Variants in ASH1L observed in about 807,000 individuals in gnomAD.
The protein encoded by ASH1L is histone-lysine N-methyltransferase ASH1L.
In ASH1L, 23 loss-of-function variants were observed where a neutral mutation model predicts 269.0. That is an observed-to-expected ratio of 0.09 (90% CI 0.06 to 0.12). ASH1L has a LOEUF of 0.12. Ranked by LOEUF, ASH1L falls within the 10% of genes least tolerant of loss-of-function variation. The probability of loss-of-function intolerance (pLI) is 1.00; values close to 1 mark genes in which losing one functional copy is unlikely to be tolerated. For synonymous variants in ASH1L, 1,187 were observed against 1,253.5 expected, an observed-to-expected ratio of 0.95 and a Z score of 1.12; for missense variants, 2,912 against 3,567.8, an observed-to-expected ratio of 0.82 and a Z score of 4.68.
chr1:155,461,300 T>C (rs1020670058), intron 3 of ASH1L, among the ~76,000 whole-genome samples: 4 of 152,230 alleles, frequency 2.6e-5, no homozygotes, highest in African/African-American at 9.6e-5. Flanking sequence ...ATCACATTGC[T>C]GTAAATAGTC....
intron 13 of ASH1L, 37 bp downstream of exon 13, chr1:155,360,264 T>C (rs1158489126): frequency 9.6e-6 from 13 of 1,348,008 alleles, no homozygotes; most frequent in Non-Finnish European, 1.4e-5. Flanking sequence ...TTGTAAGGGA[T>C]AAAGTTCAAT....
At chr1:155,473,139 G>A (rs1434418996) in intron 3 of ASH1L, among the ~76,000 whole-genome samples, 1 of 152,130 alleles carries the variant, frequency 6.6e-6, no homozygotes, top group African/African-American at 2.4e-5. Flanking sequence ...TATTTTGCAG[G>A]ACAAAACTAG....
intron 3 of ASH1L, among the ~76,000 whole-genome samples, chr1:155,476,190 T>G (rs1665527675): frequency 6.6e-6 from 1 of 151,964 alleles, no homozygotes; most frequent in South Asian, 2.1e-4. Flanking sequence ...TTCGAGACCA[T>G]CCTGGCTAAC....
At chr1:155,453,143 T>C (rs2148659494) in intron 4 of ASH1L, among the ~76,000 whole-genome samples, 1 of 152,112 alleles carries the variant, frequency 6.6e-6, no homozygotes. Context: ...TCATCTGTGG[T>C]TAGGAGTTCA....
intron 7 of ASH1L, among the ~76,000 whole-genome samples, chr1:155,384,266 A>G (rs1402816788): frequency 6.6e-6 from 1 of 152,154 alleles, no homozygotes; most frequent in Non-Finnish European, 1.5e-5. Flanking sequence ...GTTTTCCTTA[A>G]TCTAAGAATG....
At position 155,478,154 on chromosome 1, in the gene ASH1L, C is replaced by A; in HGVS notation, c.4716G>T (p.Gln1572His). The change falls in exon 3 of 28, where the codon CAG becomes CAT. Residue 1572 changes from glutamine (Q) to histidine (H), a missense_variant. By Grantham distance (24) the Gln-to-His change is conservative. Around this residue, in one of 13 missense-constraint regions of ASH1L, gnomAD observed 789 missense variants for 897.6 expected, o/e 0.88. Transcript: ENST00000392403. This position sits in a 1 kb window ranked among gnomAD's most constrained non-coding sequence, Gnocchi z 4.6. ...SESSPLALGLQTPLQIDCSES... is the reference protein window; with the variant it reads ...SESSPLALGLHTPLQIDCSES... ...CTGAACAGTCAATCTGTAAAGGTGT[C>A]TGCAATCCCAAGGCCAATGGACTAG... 6.2e-7 allele frequency: 1 copy of A among 1,614,032 alleles called. No individual in the cohort carries two copies. Among genetic ancestry groups the A allele is most frequent in the Non-Finnish European group, 8.5e-7 (1 of 1,180,024 alleles).
rs543981682 is a variant in ASH1L, at chr1:155,493,227, A to G, written c.421-10778T>C. 4.9e-4 allele frequency among the ~76,000 whole-genome samples: 75 copies of G among 152,300 alleles called. 1 individual carries two copies. The highest frequency in any genetic ancestry group is 1.5e-3 in the African/African-American group (64 of 41,556). ...AACCTTTTCATCGGACTGTTTTTCC[A>G]TACGTATACTTCCTCACAAACTTGA... is the stretch of plus-strand genomic sequence containing the variant. On this transcript the variant is annotated intron_variant, in intron 2 of 27. Coordinates refer to ENST00000392403, the MANE Select transcript of ASH1L (RefSeq NM_018489.3).
At chr1:155,554,085 T>C (rs1053850334) in intron 1 of ASH1L, among the ~76,000 whole-genome samples, 29 of 146,290 alleles carry the variant, frequency 2.0e-4, no homozygotes, top group Non-Finnish European at 3.0e-4. Flanking sequence ...CGGCCCGAGT[T>C]TTTTTTTTTT....
chr1:155,409,994 G>A (rs866289960), intron 6 of ASH1L, among the ~76,000 whole-genome samples: 27 of 151,430 alleles, frequency 1.8e-4, no homozygotes, highest in African/African-American at 5.8e-4. Context: ...GTGAAACCCC[G>A]TCTCTGCTAA....
At chr1:155,494,958 G>C (rs565959858) in intron 2 of ASH1L, among the ~76,000 whole-genome samples, 3 of 152,048 alleles carry the variant, frequency 2.0e-5, no homozygotes, top group East Asian at 3.9e-4. Context: ...GAGAGAGAAT[G>C]AATGTGTGGT....
At position 155,339,317 on chromosome 1, in the gene ASH1L, A is replaced by G; in HGVS notation, c.8501+11T>C. On this transcript the variant is annotated intron_variant, in intron 26 of 27. Transcript: ENST00000392403. ...TCCCTTAGGATCCTCATATCCCCCC[A>G]TGGGACTTACCGTCCTCCATTCCTC... 6.2e-7 allele frequency: 1 copy of G among 1,612,388 alleles called. No individual in the cohort carries two copies. Among genetic ancestry groups the G allele is most frequent in the South Asian group, 1.1e-5 (1 of 91,042 alleles).
Position 155,478,533 on chromosome 1 carries a change from A to G in ASH1L, c.4337T>C (p.Leu1446Pro), listed in dbSNP as rs2148720529. The G allele has an allele frequency of 1.9e-6, 3 of 1,614,180 alleles. No individual in the cohort carries two copies. Among genetic ancestry groups the G allele is most frequent in the Non-Finnish European group, 1.7e-6 (2 of 1,180,030 alleles). ...TGTAAGAAAGGCCTCCTGTCGAAGT[A>G]GCTTATGCTTTTTCTTATGGTATTT... ...PAKYHKKKHKLLRQEAFLTTS... is the reference protein window; with the variant it reads ...PAKYHKKKHKPLRQEAFLTTS... Residue 1446 changes from leucine to proline, a missense_variant, in exon 3 of 28, where the codon CTA becomes CCA. Leu to Pro is a moderately conservative substitution (Grantham distance 98). Coordinates refer to ENST00000392403, the MANE Select transcript of ASH1L (RefSeq NM_018489.3). The surrounding 1 kb of genome is among the most constrained non-coding windows in gnomAD (Gnocchi z 4.6).
chr1:155,445,970 A>G (rs1662984747), intron 4 of ASH1L, among the ~76,000 whole-genome samples: 1 of 149,692 alleles, frequency 6.7e-6, no homozygotes. Flanking sequence ...GCCCCAAATG[A>G]TCTTCCTGCC....
At chr1:155,562,882 G>A (rs769472994), upstream of ASH1L, 142 of 350,448 alleles carry the variant, frequency 4.1e-4, 1 homozygote, top group South Asian at 8.2e-4. Flanking sequence ...CGCCACGGCC[G>A]CCGCCGCCGC....
At chr1:155,431,516 T>G (rs1239674312) in intron 5 of ASH1L, among the ~76,000 whole-genome samples, 1 of 152,010 alleles carries the variant, frequency 6.6e-6, no homozygotes, top group East Asian at 1.9e-4. Context: ...ATCTTAGCAC[T>G]TTGGGAGGTC....
intron 17 of ASH1L, among the ~76,000 whole-genome samples, chr1:155,350,747 T>C (rs116168842): frequency 0.012 from 1,817 of 148,630 alleles, 12 homozygotes; most frequent in Non-Finnish European, 0.019. Flanking sequence ...ATGGGGAAAC[T>C]CCATCTCTGC....
intron 1 of ASH1L, chr1:155,561,934 C>A (rs1671999479): frequency 2.1e-6 from 1 of 476,926 alleles, no homozygotes; most frequent in Admixed American, 3.7e-5. Context: ...CTTCCCAGCC[C>A]CCTCCGGGAG....
chr1:155,440,461 G>A (rs530529692), intron 4 of ASH1L: 51 of 418,888 alleles, frequency 1.2e-4, no homozygotes, highest in Non-Finnish European at 1.6e-4. Context: ...AACTGCGGAG[G>A]TCCTCAATAC....
At chr1:155,498,505 T>G (rs548705196) in intron 2 of ASH1L, among the ~76,000 whole-genome samples, 243 of 151,838 alleles carry the variant, frequency 1.6e-3, no homozygotes, top group African/African-American at 5.7e-3. Context: ...GCAATGGCAT[T>G]ATCTCGGCTC....
Sources: gnomAD v4.1 joint callset for allele counts (sites outside exome capture counted in the v4.1 genomes callset) on GRCh38, gnomAD v4.1.1 for gene constraint, gnomAD v4.1.1 regional missense constraint, Gnocchi (gnomAD v3.1) non-coding constraint, MANE v1.5 for transcripts, NCBI Gene and HGNC (gene_info 2026-07-23, HGNC 2026-07-21) for gene names.